Variants in ALG9 observed in about 807,000 individuals in gnomAD.
ALG9 encodes alpha-1,2-mannosyltransferase ALG9.
In ALG9, 55 loss-of-function variants were observed where a neutral mutation model predicts 81.8. That is an observed-to-expected ratio of 0.67 (90% CI 0.54 to 0.84). The LOEUF (loss-of-function observed/expected upper bound fraction) is 0.84. Ranked by LOEUF, ALG9 falls within the 40% of genes least tolerant of loss-of-function variation. ALG9 has a pLI of 0.00. For synonymous variants in ALG9, 278 were observed against 274.3 expected (o/e 1.01, Z -0.13); for missense variants, 629 against 745.0 (o/e 0.84, Z 1.81).
At chr11:111,835,777 G>A (rs972430250) in intron 13 of ALG9, among the ~76,000 whole-genome samples, 3 of 152,112 alleles carry the variant, frequency 2.0e-5, no homozygotes, top group African/African-American at 7.2e-5. Context: ...CTGAGACAGG[G>A]TCTCACTCTG....
intron 6 of ALG9, among the ~76,000 whole-genome samples, chr11:111,857,032 A>C (rs1958807780): frequency 6.6e-6 from 1 of 152,210 alleles, no homozygotes; most frequent in African/African-American, 2.4e-5. Context: ...ACTTGAACCC[A>C]GGAGGCGGAG....
chr11:111,843,415 G>A (rs1040830751), intron 9 of ALG9, among the ~76,000 whole-genome samples: 1 of 152,146 alleles, frequency 6.6e-6, no homozygotes, highest in Non-Finnish European at 1.5e-5. Context: ...ATGATATTAA[G>A]AAATTACTGA....
chr11:111,868,453 A>G, intron 3 of ALG9, 149 bp downstream of exon 3: 3 of 1,009,650 alleles, frequency 3.0e-6, no homozygotes, highest in Middle Eastern at 2.2e-4. Context: ...TGTTTCATTA[A>G]TGCTTGTTGA....
intron 13 of ALG9, chr11:111,814,851 C>T (rs1951249531): frequency 6.6e-6 from 1 of 152,126 alleles, no homozygotes; most frequent in African/African-American, 2.4e-5. Flanking sequence ...TCTGTATCTC[C>T]CAAGGATTAT....
chr11:111,779,212 C>G (rs913086628), downstream of ALG9, among the ~76,000 whole-genome samples: 2 of 152,094 alleles, frequency 1.3e-5, no homozygotes, highest in African/African-American at 4.8e-5. Flanking sequence ...GCAGTGGGTA[C>G]CAGGCTGTTG....
At chr11:111,800,754 G>A (rs950901341) in intron 14 of ALG9, among the ~76,000 whole-genome samples, 1 of 152,126 alleles carries the variant, frequency 6.6e-6, no homozygotes, top group Non-Finnish European at 1.5e-5. Flanking sequence ...GGTCCAAGAG[G>A]ACAGCGACCT....
At chr11:111,795,912 C>T (rs2136267961) in intron 14 of ALG9, among the ~76,000 whole-genome samples, 1 of 152,322 alleles carries the variant, frequency 6.6e-6, no homozygotes, top group East Asian at 1.9e-4. Flanking sequence ...TTTCCCATCT[C>T]ACAGCTACTT....
the ALG9 span, among the ~76,000 whole-genome samples, chr11:111,772,768 A>T: frequency 3.9e-5 from 6 of 152,368 alleles, 1 homozygote; most frequent in South Asian, 1.2e-3. Flanking sequence ...AACTTTGGCA[A>T]CAGAAAGGAC....
intron 13 of ALG9, among the ~76,000 whole-genome samples, chr11:111,815,469 A>G (rs1951345142): frequency 6.6e-6 from 1 of 152,162 alleles, no homozygotes; most frequent in African/African-American, 2.4e-5. Context: ...CCATTAGAAA[A>G]ACTTTTAACC....
chr11:111,831,452 G>T (rs1954362483), intron 13 of ALG9, among the ~76,000 whole-genome samples: 1 of 152,082 alleles, frequency 6.6e-6, no homozygotes, highest in Non-Finnish European at 1.5e-5. Context: ...GAGCTATGAT[G>T]ATGACACTGC....
chr11:111,844,579 T>A, intron 9 of ALG9, 22 bp downstream of exon 9: 1 of 1,613,704 alleles, frequency 6.2e-7, no homozygotes, highest in South Asian at 1.1e-5. Flanking sequence ...CCAAAACACC[T>A]ACCATCTCTT....
At chr11:111,818,526 T>C (rs1455160480) in intron 13 of ALG9, among the ~76,000 whole-genome samples, 1 of 152,218 alleles carries the variant, frequency 6.6e-6, no homozygotes, top group Admixed American at 6.5e-5. Flanking sequence ...GAACATTCCC[T>C]GTTGTCCCCT....
chr11:111,812,696 C>T (rs902465889), intron 13 of ALG9, among the ~76,000 whole-genome samples: 2 of 152,018 alleles, frequency 1.3e-5, no homozygotes, highest in African/African-American at 2.4e-5. Context: ...GCAGGTGGAT[C>T]GCCTGAGGTC....
chr11:111,809,671 C>A lies in ALG9; in HGVS notation c.1705G>T (p.Ala569Ser), dbSNP rs531281731. ...SSNKEEWISL[A>S]YRPFLDASRS... ...GAAGCATCAAGGAATGGTCTATAGG[C>A]CAAGCTGATCCATTCTTCTTTATTG... Residue 569 changes from alanine to serine, a missense_variant, in exon 14 of 15, where the codon GCC becomes TCC. Physicochemically the swap from Ala to Ser is moderately conservative, Grantham distance 99. Coordinates refer to ENST00000616540, the MANE Select transcript of ALG9 (RefSeq NM_024740.2). 1 of 1,614,070 alleles carries A rather than the reference C, an allele frequency of 6.2e-7. No individual in the cohort carries two copies. The highest frequency in any genetic ancestry group is 1.3e-5 in the African/African-American group (1 of 75,022).
intron 5 of ALG9, among the ~76,000 whole-genome samples, chr11:111,858,733 G>A (rs1959110121): frequency 6.6e-6 from 1 of 152,186 alleles, no homozygotes; most frequent in Non-Finnish European, 1.5e-5. Flanking sequence ...AATCAGTAGG[G>A]AAGAAAAATC....
intron 13 of ALG9, among the ~76,000 whole-genome samples, chr11:111,826,726 C>T (rs1953367832): frequency 6.6e-6 from 1 of 152,174 alleles, no homozygotes; most frequent in South Asian, 2.1e-4. Flanking sequence ...GCTCTGCAGG[C>T]TCTTGCAATC....
At chr11:111,815,753 G>A (rs1951379777) in intron 13 of ALG9, among the ~76,000 whole-genome samples, 1 of 152,090 alleles carries the variant, frequency 6.6e-6, no homozygotes, top group South Asian at 2.1e-4. Flanking sequence ...GTTATAATGA[G>A]GATTAAATGA....
intron 13 of ALG9, among the ~76,000 whole-genome samples, chr11:111,815,839 C>T (rs1951391663): frequency 6.6e-6 from 1 of 152,218 alleles, no homozygotes; most frequent in African/African-American, 2.4e-5. Flanking sequence ...GAATCCTTGA[C>T]CAGCTCTATG....
intron 10 of ALG9, among the ~76,000 whole-genome samples, chr11:111,839,180 CAA>C (rs1346159805): frequency 1.3e-5 from 2 of 151,998 alleles, no homozygotes; most frequent in African/African-American, 4.8e-5. Flanking sequence ...TATATAAAGT[CAA>C]GTCAATATAT....
Sources: allele counts gnomAD v4.1 joint callset (sites outside exome capture counted in the v4.1 genomes callset), GRCh38; gene constraint gnomAD v4.1.1; transcripts MANE v1.5; gene names NCBI Gene and HGNC (gene_info 2026-07-23, HGNC 2026-07-21).